Variants in DNAJC1 observed in about 807,000 individuals in gnomAD.
The protein encoded by DNAJC1 is dnaJ homolog subfamily C member 1.
In DNAJC1, 58 loss-of-function variants were observed where a neutral mutation model predicts 76.6. The ratio of observed to expected loss-of-function variants is 0.76; its 90% confidence interval spans 0.61 to 0.94. The LOEUF (loss-of-function observed/expected upper bound fraction) is 0.94, where lower values mean the gene tolerates loss of function less well. Ranked by LOEUF, DNAJC1 falls within the 40% of genes least tolerant of loss-of-function variation. The pLI is 0.00. For synonymous variants in DNAJC1, 258 were observed against 267.9 expected (o/e 0.96, Z 0.36); for missense variants, 689 against 677.3 (o/e 1.02, Z -0.19).
At chr10:21,776,092 C>T (rs1361180159) in intron 9 of DNAJC1, among the ~76,000 whole-genome samples, 5 of 151,998 alleles carry the variant, frequency 3.3e-5, no homozygotes, top group Non-Finnish European at 5.9e-5. Flanking sequence ...TGAAAAAAAA[C>T]TAAAATAGGT....
intron 9 of DNAJC1, among the ~76,000 whole-genome samples, chr10:21,786,100 G>A (rs1432694406): frequency 1.3e-5 from 2 of 151,940 alleles, no homozygotes; most frequent in Admixed American, 1.3e-4. Flanking sequence ...ATACAGGCGC[G>A]TGAGGCAAGA....
chr10:21,918,806 T>C lies in DNAJC1; in HGVS notation c.702A>G (p.Thr234=), dbSNP rs1377461482. The C allele has an allele frequency of 6.2e-7, 1 of 1,613,196 alleles. No individual in the cohort carries two copies. The highest frequency in any genetic ancestry group is 1.3e-5 in the African/African-American group (1 of 75,002). Residue 234 remains threonine, a synonymous_variant, in exon 6 of 12, where the codon ACA becomes ACG. Transcript: ENST00000376980. ...PCKLGIWFCL[T]LKALPHLIQD... ...GGATGAGGTGAGGTAATGCTTTTAG[T>C]GTAAGGCAAAACCAAATCCCCAGTT...
intron 6 of DNAJC1, among the ~76,000 whole-genome samples, chr10:21,909,641 C>T (rs541185768): frequency 6.6e-6 from 1 of 152,314 alleles, no homozygotes; most frequent in East Asian, 1.9e-4. Flanking sequence ...CTATATTCCG[C>T]TGTCCTCTTA....
intron 7 of DNAJC1, among the ~76,000 whole-genome samples, chr10:21,886,775 C>G (rs115904636): frequency 6.6e-6 from 1 of 151,870 alleles, no homozygotes. Flanking sequence ...ATTCAACACC[C>G]CTTTATGTTA....
chr10:21,784,357 T>C (rs1834574323), intron 9 of DNAJC1, among the ~76,000 whole-genome samples: 1 of 152,118 alleles, frequency 6.6e-6, no homozygotes, highest in Admixed American at 6.5e-5. Context: ...TGAAATGCCA[T>C]CTTAGACCAG....
At chr10:21,940,722 G>C (rs968208074) in intron 1 of DNAJC1, among the ~76,000 whole-genome samples, 1 of 152,004 alleles carries the variant, frequency 6.6e-6, no homozygotes, top group Non-Finnish European at 1.5e-5. Flanking sequence ...ATAAACAAAA[G>C]ACTGCAGCTT....
chr10:21,829,401 A>T (rs1481042485), intron 8 of DNAJC1, among the ~76,000 whole-genome samples: 1 of 152,138 alleles, frequency 6.6e-6, no homozygotes, highest in East Asian at 1.9e-4. Context: ...TATTTTTAGT[A>T]GAGATGGGGT....
Position 21,951,312 on chromosome 10 carries a change from C to A in DNAJC1, c.223-22171G>T, listed in dbSNP as rs548425492. On this transcript the variant is annotated intron_variant, in intron 1 of 11. Coordinates refer to ENST00000376980, the MANE Select transcript of DNAJC1 (RefSeq NM_022365.4). Reference sequence around the variant, plus strand: ...TCCAGCCTGGGTGACAGAGCGAGATCCATCTCAAAAAAAAAAAAAGTAATC... The same window carrying A: ...TCCAGCCTGGGTGACAGAGCGAGATACATCTCAAAAAAAAAAAAAGTAATC... Among the ~76,000 whole-genome samples the A allele has an allele frequency of 2.6e-5, 4 of 150,956 alleles. No individual in the cohort carries two copies. In the East Asian group the frequency reaches 7.8e-4, roughly 29 times the overall value.
chr10:21,925,074 C>G (rs1199799085), intron 3 of DNAJC1, among the ~76,000 whole-genome samples: 1 of 152,122 alleles, frequency 6.6e-6, no homozygotes, highest in Non-Finnish European at 1.5e-5. Flanking sequence ...CTCACTGCAG[C>G]CTTGCAATCC....
intron 8 of DNAJC1, among the ~76,000 whole-genome samples, chr10:21,826,600 CTTCT>C (rs1471057432): frequency 6.6e-6 from 1 of 152,136 alleles, no homozygotes; most frequent in Admixed American, 6.5e-5. Flanking sequence ...AGAAGCTTTC[CTTCT>C]ATGTTTTCTT....
chr10:21,889,124 G>T (rs950585859), intron 7 of DNAJC1, among the ~76,000 whole-genome samples: 1 of 152,146 alleles, frequency 6.6e-6, no homozygotes, highest in Non-Finnish European at 1.5e-5. Context: ...GAATGCTTCT[G>T]CCTCTGGGGA....
At chr10:21,784,540 A>G (rs181633880) in intron 9 of DNAJC1, among the ~76,000 whole-genome samples, 2 of 152,186 alleles carry the variant, frequency 1.3e-5, no homozygotes, top group African/African-American at 2.4e-5. Flanking sequence ...CCCAGCCATC[A>G]CATTACTGGG....
chr10:21,984,680 T>C (rs1838211017), intron 1 of DNAJC1, among the ~76,000 whole-genome samples: 1 of 152,234 alleles, frequency 6.6e-6, no homozygotes, highest in East Asian at 1.9e-4. Flanking sequence ...TCTTCTGAAA[T>C]TTCAGCTTTC....
At position 21,805,924 on chromosome 10, in the gene DNAJC1, A is replaced by G. The variant is rs1834877374; in HGVS notation, c.1098+56T>C. 4 of 1,604,194 alleles carry G rather than the reference A, an allele frequency of 2.5e-6. No homozygotes were observed. The Admixed American group carries it at 6.7e-5, about 27-fold the overall frequency. On this transcript the variant is annotated intron_variant, in intron 9 of 11. Coordinates refer to ENST00000376980, the MANE Select transcript of DNAJC1 (RefSeq NM_022365.4). ...GAACCCATCTATGTCTGCCTTCTAC[A>G]TAGCTGACTTGTTCTGGTTTCTCTC... is the stretch of plus-strand genomic sequence containing the variant.
chr10:21,761,161 CAA>C (rs1473359417), intron 10 of DNAJC1, among the ~76,000 whole-genome samples: 2 of 152,110 alleles, frequency 1.3e-5, no homozygotes, highest in African/African-American at 4.8e-5. Context: ...GCCTGGGAAA[CAA>C]AGTCTTGCTC....
At chr10:21,888,641 T>C (rs1485678825) in intron 7 of DNAJC1, among the ~76,000 whole-genome samples, 2 of 152,206 alleles carry the variant, frequency 1.3e-5, no homozygotes, top group Admixed American at 6.5e-5. Flanking sequence ...TGGATGGAGC[T>C]GGAGGCTGTT....
chr10:21,813,178 CTCTCT>C (rs1193570163), intron 8 of DNAJC1, among the ~76,000 whole-genome samples: 13 of 12,392 alleles, frequency 1.0e-3, no homozygotes, highest in Non-Finnish European at 1.5e-3. Flanking sequence ...CTCTCTCCCT[CTCTCT>C]CTCTCTCTCT....
At chr10:21,977,419 C>T (rs1013015927) in intron 1 of DNAJC1, among the ~76,000 whole-genome samples, 3 of 152,090 alleles carry the variant, frequency 2.0e-5, no homozygotes, top group East Asian at 1.9e-4. Context: ...TAGACATCCA[C>T]GTGAACTAAA....
chr10:21,805,451 C>CACAT (rs1291470763), intron 9 of DNAJC1, among the ~76,000 whole-genome samples: 1 of 151,252 alleles, frequency 6.6e-6, no homozygotes, highest in East Asian at 1.9e-4. Flanking sequence ...CACACACACA[C>CACAT]ACACACACAC....
Sources: allele counts gnomAD v4.1 joint callset (sites outside exome capture counted in the v4.1 genomes callset), GRCh38; gene constraint gnomAD v4.1.1; transcripts MANE v1.5; gene names NCBI Gene and HGNC (gene_info 2026-07-23, HGNC 2026-07-21).